TERF2: variants seen among roughly 807,000 people sequenced by gnomAD.
TERF2 encodes the protein telomeric repeat binding factor 2.
Under a neutral mutation model 56.1 loss-of-function variants are expected in TERF2, and 16 were observed. The ratio of observed to expected loss-of-function variants is 0.29; its 90% CI spans 0.19 to 0.43. TERF2 has a LOEUF of 0.43. TERF2 is among the 20% of genes least tolerant of loss of function. TERF2 has a pLI of 1.00. For missense variants in TERF2, 547 were observed against 712.9 expected (o/e 0.77, Z 2.65); for synonymous variants, 296 against 282.1 (o/e 1.05, Z -0.50).
intron 7 of TERF2, among the ~76,000 whole-genome samples, chr16:69,364,110 T>C (rs977789273): frequency 2.0e-5 from 3 of 152,244 alleles, no homozygotes; most frequent in Admixed American, 6.5e-5. Context: ...CTCCTTAACA[T>C]GCAAGAACAA....
chr16:69,373,795 T>C (rs1485269890), intron 3 of TERF2, among the ~76,000 whole-genome samples: 1 of 152,164 alleles, frequency 6.6e-6, no homozygotes, highest in Non-Finnish European at 1.5e-5. Flanking sequence ...ACTGTACCAC[T>C]GCACTCCAGC....
At chr16:69,362,139 C>T (rs1225789787) in intron 7 of TERF2, among the ~76,000 whole-genome samples, 4 of 151,892 alleles carry the variant, frequency 2.6e-5, no homozygotes, top group Admixed American at 6.6e-5. Flanking sequence ...AACCGCCCCA[C>T]GATGCCCACA....
chr16:69,383,092 G>GA (rs1343281006), intron 3 of TERF2, among the ~76,000 whole-genome samples: 1 of 152,112 alleles, frequency 6.6e-6, no homozygotes, highest in Admixed American at 6.5e-5. Context: ...GCTGAAAGAT[G>GA]AAAGCCCACA....
rs199617835 is a variant in TERF2, at chr16:69,357,534, T to C, written c.1454A>G (p.Asn485Ser). Reference sequence around the variant, plus strand: ...TTAAATTACCTGCTTTTTTGTTATATTGGTTGTACTGTCTTCATCTGGTGC... The same window carrying C: ...TTAAATTACCTGCTTTTTTGTTATACTGGTTGTACTGTCTTCATCTGGTGC... ...QAAPDEDSTT[N>S]ITKKQKWTVE... The change falls in exon 9 of 10, where the codon AAT becomes AGT. Residue 485 changes from asparagine to serine, a missense_variant. Asn to Ser is a conservative substitution (Grantham distance 46, BLOSUM62 1). This residue lies in a region of TERF2 where 211 missense variants were observed against 236.8 expected (regional missense o/e 0.89). Coordinates refer to ENST00000254942, the MANE Select transcript of TERF2 (RefSeq NM_005652.5). The C allele has an allele frequency of 2.3e-4, 375 of 1,613,220 alleles. 3 individuals carry two copies. Among genetic ancestry groups the C allele is most frequent in the East Asian group, 2.2e-4 (10 of 44,862 alleles).
chr16:69,362,329 A>G (rs1014669196), intron 7 of TERF2, among the ~76,000 whole-genome samples: 1 of 151,802 alleles, frequency 6.6e-6, no homozygotes. Context: ...CACAACACAC[A>G]CAGAAAGCCT....
chr16:69,379,787 T>A (rs982492953), intron 3 of TERF2, among the ~76,000 whole-genome samples: 1 of 152,218 alleles, frequency 6.6e-6, no homozygotes, highest in Non-Finnish European at 1.5e-5. Flanking sequence ...AGATAAAAGT[T>A]TAATGAGAAG....
intron 3 of TERF2, among the ~76,000 whole-genome samples, 195 bp from the exon 4 acceptor site, chr16:69,372,550 G>A (rs1294726125): frequency 2.0e-5 from 3 of 152,028 alleles, no homozygotes; most frequent in African/African-American, 2.4e-5. Context: ...ATCACCTGAC[G>A]TCGGGAGTTC....
intron 2 of TERF2, 33 bp downstream of exon 2, chr16:69,385,358 T>C: frequency 4.4e-6 from 7 of 1,574,666 alleles, no homozygotes; most frequent in Non-Finnish European, 6.1e-6. Flanking sequence ...CCTACGCAAG[T>C]AAGCCCAGAG....
In TERF2 at chr16:69,384,078, T is replaced by C. The variant is rs1214732018; in HGVS notation, c.606+502A>G. ...CACTGCCTGTGCCGGATTTCTATCA[T>C]TCTTCTACCATTACTATTTTGCTAG... is the stretch of plus-strand genomic sequence containing the variant. On this transcript the variant is annotated intron_variant, in intron 3 of 9. Coordinates refer to ENST00000254942, the MANE Select transcript of TERF2 (RefSeq NM_005652.5). 2.0e-5 allele frequency among the ~76,000 whole-genome samples: 3 copies of C among 152,226 alleles called. No homozygotes were observed. The East Asian group carries it at 5.8e-4, about 29-fold the overall frequency.
In TERF2 at chr16:69,355,726, A is replaced by T. The variant is rs1189201999; in HGVS notation, c.*1172T>A. The T allele has an allele frequency of 6.4e-6, 1 of 155,816 alleles. No homozygotes were observed. The highest frequency in any genetic ancestry group is 1.4e-5 in the Non-Finnish European group (1 of 69,972). 9.7% of individuals were successfully genotyped at this position (155,816 alleles called of 1,614,324 possible). On this transcript the variant is annotated 3_prime_UTR_variant, in exon 10 of 10. Coordinates refer to ENST00000254942, the MANE Select transcript of TERF2 (RefSeq NM_005652.5). ...AGAGACAGCAAGCACAACACAGTACAAAAGGAGAAGGGAATGTTGAATTCC... is the reference window on the plus strand; with the variant it reads ...AGAGACAGCAAGCACAACACAGTACTAAAGGAGAAGGGAATGTTGAATTCC...
chr16:69,359,627 ATTTTTTTTTTTTTTTT>A (rs564611021), intron 8 of TERF2, among the ~76,000 whole-genome samples: 5 of 72,588 alleles, frequency 6.9e-5, no homozygotes, highest in East Asian at 3.5e-4. Flanking sequence ...ATCATTCCCA[ATTTTTTTTTTTTTTTT>A]TTTTTTTTTT....
At chr16:69,369,765 C>T (rs1235792287) in intron 5 of TERF2, among the ~76,000 whole-genome samples, 1 of 152,152 alleles carries the variant, frequency 6.6e-6, no homozygotes, top group African/African-American at 2.4e-5. Flanking sequence ...TTTCATTTGG[C>T]TTCTTTCAAC....
chr16:69,372,414 T>A, intron 3 of TERF2, 59 bp from the exon 4 acceptor site: 3 of 1,101,816 alleles, frequency 2.7e-6, no homozygotes, highest in Non-Finnish European at 4.0e-6. Flanking sequence ...AATCAGAATA[T>A]CAAACATCAA....
chr16:69,384,714 G>A lies in TERF2; in HGVS notation c.476-4C>T. ...GCCTCCATATCAAAGGAACAGTCTA[G>A]GACAAAGCACAGTTTTCATTTTTAA... On this transcript the variant is annotated splice_polypyrimidine_tract_variant and splice_region_variant and intron_variant, in intron 2 of 9. Transcript: ENST00000254942. 1 of 1,591,492 alleles carries A rather than the reference G, an allele frequency of 6.3e-7. No individual in the cohort carries two copies. Among genetic ancestry groups the A allele is most frequent in the Non-Finnish European group, 8.5e-7 (1 of 1,171,402 alleles).
intron 2 of TERF2, 112 bp downstream of exon 2, chr16:69,385,279 A>T (rs1446014162): frequency 2.2e-6 from 2 of 895,250 alleles, no homozygotes; most frequent in Non-Finnish European, 3.5e-6. Context: ...GAAAAAGACC[A>T]CTCTGATGGA....
chr16:69,381,976 G>C (rs1317704448), intron 3 of TERF2, among the ~76,000 whole-genome samples: 1 of 152,010 alleles, frequency 6.6e-6, no homozygotes, highest in Non-Finnish European at 1.5e-5. Flanking sequence ...AAAAATTGTG[G>C]CAGTGAAGAA....
In TERF2 at chr16:69,359,075, G is replaced by A. The variant is rs77835877; in HGVS notation, c.1427-1514C>T. 3.3e-5 allele frequency among the ~76,000 whole-genome samples: 5 copies of A among 152,236 alleles called. No homozygotes were observed. In the South Asian group the frequency reaches 6.2e-4, roughly 19 times the overall value. ...TATGACATCTACAATGTCACTAGGC[G>A]ATATGAATTTTTCAGCTCTATATAT... On this transcript the variant is annotated intron_variant, in intron 8 of 9. Coordinates refer to ENST00000254942, the MANE Select transcript of TERF2 (RefSeq NM_005652.5).
At chr16:69,369,446 G>A (rs1251178484) in intron 5 of TERF2, among the ~76,000 whole-genome samples, 3 of 152,068 alleles carry the variant, frequency 2.0e-5, no homozygotes, top group South Asian at 2.1e-4. Context: ...CTACAGGCAC[G>A]CGCCACCACA....
rs149395623 is a variant in TERF2, at chr16:69,360,006, G to A, written c.1426+1398C>T. Among the ~76,000 whole-genome samples the A allele has an allele frequency of 4.7e-3, 710 of 151,978 alleles. 5 individuals carry two copies. Among genetic ancestry groups the A allele is most frequent in the African/African-American group, 0.016 (671 of 41,478 alleles). ...TCCAACCCCTGAGTTCAAGGAATCC[G>A]CCTGCCTCGGCCTCCCAAAGTGCTG... On this transcript the variant is annotated intron_variant, in intron 8 of 9. Coordinates refer to ENST00000254942, the MANE Select transcript of TERF2 (RefSeq NM_005652.5).
Sources: allele counts gnomAD v4.1 joint callset (sites outside exome capture counted in the v4.1 genomes callset), GRCh38; gene constraint gnomAD v4.1.1; regional missense constraint gnomAD v4.1.1; transcripts MANE v1.5; gene names NCBI Gene and HGNC (gene_info 2026-07-23, HGNC 2026-07-21).